Variants in CNTN5 observed in about 807,000 individuals in gnomAD.
CNTN5 encodes the protein contactin 5.
Under a neutral mutation model 129.1 loss-of-function variants are expected in CNTN5, and 77 were observed. The observed-to-expected ratio is 0.60, with a 90% CI of 0.50 to 0.72. The LOEUF (loss-of-function observed/expected upper bound fraction) is 0.72, where lower values mean the gene tolerates loss of function less well. Among genes scored for constraint, CNTN5 ranks in the 30% least tolerant of loss-of-function variants. The probability of loss-of-function intolerance (pLI) is 0.00; values close to 1 mark genes in which losing one functional copy is unlikely to be tolerated. For missense variants in CNTN5, 1,478 were observed against 1,328.8 expected (o/e 1.11, Z -1.75); for synonymous variants, 509 against 465.6 (o/e 1.09, Z -1.20).
rs144578640 is a variant in CNTN5 at position 99,244,191 on chromosome 11, T to C, written c.-209-81155T>C. ...GTAGAGATCTTTCACCTTGGATAGATATATCCCTAGATATTTCTTGTGGCT... is the reference window on the plus strand; with the variant it reads ...GTAGAGATCTTTCACCTTGGATAGACATATCCCTAGATATTTCTTGTGGCT... On this transcript the variant is annotated intron_variant, in intron 1 of 24. Transcript: ENST00000524871. Among the ~76,000 whole-genome samples, 79 of 152,240 alleles carry C rather than the reference T, an allele frequency of 5.2e-4. No homozygotes were observed. The East Asian group carries it at 0.013, about 25-fold the overall frequency.
Position 99,897,361 on chromosome 11 carries a change from G to C in CNTN5, c.578-18693G>C, listed in dbSNP as rs979378961. On this transcript the variant is annotated intron_variant, in intron 6 of 24. Transcript: ENST00000524871. ...GCATTTGGTTACTAGACTATCCAAG[G>C]TTGGTGCTAAAGAAAAAATGTTAAA... Among the ~76,000 whole-genome samples, 6 of 152,210 alleles carry C rather than the reference G, an allele frequency of 3.9e-5. No individual in the cohort carries two copies. In the East Asian group the frequency reaches 9.6e-4, roughly 24 times the overall value.
chr11:99,975,489 T>C (rs1937887114), intron 8 of CNTN5, among the ~76,000 whole-genome samples: 2 of 152,152 alleles, frequency 1.3e-5, no homozygotes. Context: ...ATTCTCACAC[T>C]GCTATAAAGA....
chr11:99,275,411 G>A (rs966420917), intron 1 of CNTN5, among the ~76,000 whole-genome samples: 3 of 151,354 alleles, frequency 2.0e-5, no homozygotes, highest in African/African-American at 7.3e-5. Flanking sequence ...TTCTACCTAT[G>A]CAGTGCTTAG....
At chr11:100,345,721 A>G (rs959304859) in intron 23 of CNTN5, among the ~76,000 whole-genome samples, 3 of 152,172 alleles carry the variant, frequency 2.0e-5, no homozygotes, top group Non-Finnish European at 4.4e-5. Flanking sequence ...TTAGGTGAAC[A>G]TTAAGCAGTA....
intron 9 of CNTN5, among the ~76,000 whole-genome samples, chr11:100,044,777 G>A (rs999289023): frequency 1.3e-5 from 2 of 151,830 alleles, no homozygotes; most frequent in African/African-American, 4.8e-5. Flanking sequence ...CATTTTTCAG[G>A]TTGTCTGTTC....
intron 1 of CNTN5, among the ~76,000 whole-genome samples, chr11:99,156,705 G>A (rs556372965): frequency 6.6e-5 from 10 of 151,916 alleles, no homozygotes; most frequent in African/African-American, 2.2e-4. Context: ...TGGCCTATCT[G>A]AGGATAATAT....
chr11:100,305,218 CG>C (rs1951320768), intron 20 of CNTN5, among the ~76,000 whole-genome samples: 1 of 151,534 alleles, frequency 6.6e-6, no homozygotes, highest in Admixed American at 6.6e-5. Flanking sequence ...AACCTCTGTA[CG>C]TTTTACTTTT....
Position 99,840,709 on chromosome 11 carries a change from A to C in CNTN5, c.278-4143A>C, listed in dbSNP as rs75572558. Among the ~76,000 whole-genome samples, 838 of 152,236 alleles carry C rather than the reference A, an allele frequency of 5.5e-3. 34 individuals carry two copies. In the East Asian group the frequency reaches 0.098, roughly 18 times the overall value. On this transcript the variant is annotated intron_variant, in intron 4 of 24. Transcript: ENST00000524871. The stretch of plus-strand genomic sequence containing the variant: ...GTGATGACATCTGCCCATTACACAA[A>C]TGTGTCGAAGGCTTCTACTTGGTTG...
chr11:99,100,689 C>T (rs993448283), intron 1 of CNTN5, among the ~76,000 whole-genome samples: 47 of 151,970 alleles, frequency 3.1e-4, no homozygotes, highest in Non-Finnish European at 4.1e-4. Flanking sequence ...TGAACAAAGG[C>T]TATTTCTCCA....
At chr11:99,768,404 A>G (rs1356970889) in intron 3 of CNTN5, among the ~76,000 whole-genome samples, 1 of 152,094 alleles carries the variant, frequency 6.6e-6, no homozygotes, top group Non-Finnish European at 1.5e-5. Context: ...TACGCGAAGT[A>G]TTTAACAATG....
chr11:99,130,280 A>C (rs1858866162), intron 1 of CNTN5, among the ~76,000 whole-genome samples: 1 of 152,206 alleles, frequency 6.6e-6, no homozygotes, highest in African/African-American at 2.4e-5. Context: ...TTTACCAAAC[A>C]AATAGAAAGA....
intron 3 of CNTN5, among the ~76,000 whole-genome samples, chr11:99,781,305 A>T (rs1480562690): frequency 3.3e-5 from 5 of 152,096 alleles, no homozygotes; most frequent in Non-Finnish European, 7.4e-5. Context: ...CAGTGGAGTA[A>T]CAGATGGCAC....
intron 9 of CNTN5, among the ~76,000 whole-genome samples, chr11:100,002,822 G>A (rs1939956816): frequency 6.7e-6 from 1 of 150,362 alleles, no homozygotes; most frequent in Non-Finnish European, 1.5e-5. Context: ...ATTGTATTAT[G>A]ATTTATTTTA....
chr11:99,281,006 T>C (rs936077178), intron 1 of CNTN5, among the ~76,000 whole-genome samples: 1 of 151,758 alleles, frequency 6.6e-6, no homozygotes, highest in African/African-American at 2.4e-5. Context: ...CACAAAAATT[T>C]AAAAATCAGT....
At chr11:99,802,506 C>T (rs974692563) in intron 3 of CNTN5, among the ~76,000 whole-genome samples, 1 of 152,180 alleles carries the variant, frequency 6.6e-6, no homozygotes, top group Non-Finnish European at 1.5e-5. Flanking sequence ...TGTGCCTCAG[C>T]ATGGAGCTGT....
At chr11:99,473,940 T>C (rs560887537) in intron 2 of CNTN5, among the ~76,000 whole-genome samples, 1 of 152,098 alleles carries the variant, frequency 6.6e-6, no homozygotes, top group African/African-American at 2.4e-5. Flanking sequence ...ATAGTGCTAC[T>C]GGTTTTTAAG....
chr11:99,879,382 T>G (rs1353486046), intron 6 of CNTN5, among the ~76,000 whole-genome samples: 1 of 152,192 alleles, frequency 6.6e-6, no homozygotes, highest in East Asian at 1.9e-4. Flanking sequence ...ATAAAATTAA[T>G]TTTTTCTTAG....
intron 9 of CNTN5, among the ~76,000 whole-genome samples, chr11:100,031,088 G>A (rs1941685957): frequency 6.6e-6 from 1 of 152,168 alleles, no homozygotes; most frequent in Non-Finnish European, 1.5e-5. Flanking sequence ...TCTAGCAGCT[G>A]CTAGCATCAA....
chr11:100,288,860 AG>A (rs1411910820), intron 18 of CNTN5, among the ~76,000 whole-genome samples: 3 of 152,134 alleles, frequency 2.0e-5, no homozygotes, highest in Non-Finnish European at 2.9e-5. Flanking sequence ...ATAGACCGCT[AG>A]CAAGACTAAT....
Sources: allele counts gnomAD v4.1 joint callset (sites outside exome capture counted in the v4.1 genomes callset), GRCh38; gene constraint gnomAD v4.1.1; transcripts MANE v1.5; gene names NCBI Gene and HGNC (gene_info 2026-07-23, HGNC 2026-07-21).